GPATCH2: variants seen among roughly 807,000 people sequenced by gnomAD.
The protein encoded by GPATCH2 is G-patch domain containing 2, also known as G patch domain-containing protein 2.
GPATCH2 carries 51 observed loss-of-function variants against 58.0 expected under a neutral mutation model. That is an observed-to-expected ratio of 0.88 (90% CI 0.70 to 1.11). The LOEUF is 1.11. Among genes scored for constraint, GPATCH2 ranks in the 50% most tolerant of loss-of-function variants. The pLI is 0.00. For synonymous variants in GPATCH2, 222 were observed against 218.5 expected (o/e 1.02, Z -0.14); for missense variants, 625 against 652.2 (o/e 0.96, Z 0.45).
rs1382937281 is a variant in GPATCH2 at position 217,514,835 on chromosome 1, A to C, written c.1153T>G (p.Ser385Ala). ...CTGAGTACTCACTCATGGTGATGAG[A>C]ATCCGGGGAAAAATGAACCATTCTC... is the stretch of plus-strand genomic sequence containing the variant. ...NKRMVHFSPD[S>A]HHHDHWFSPG... The change falls in exon 6 of 10, where the codon TCT (serine) becomes GCT (alanine). Residue 385 changes from serine (S) to alanine (A), a missense_variant. By Grantham distance (99) the Ser-to-Ala change is moderately conservative (BLOSUM62 1). Coordinates refer to ENST00000366935, the MANE Select transcript of GPATCH2 (RefSeq NM_018040.5). 1.3e-6 allele frequency: 2 copies of C among 1,497,534 alleles called. No homozygotes were observed. Among genetic ancestry groups the C allele is most frequent in the Non-Finnish European group, 1.9e-6 (2 of 1,073,902 alleles). 92.8% of individuals were successfully genotyped at this position (1,497,534 alleles called of 1,614,324 possible). A position where few individuals can be genotyped will look rare whatever the true frequency, so the allele number is the denominator to read the frequency against.
At chr1:217,534,882 T>C (rs17046543) in intron 5 of GPATCH2, among the ~76,000 whole-genome samples, 4,608 of 152,290 alleles carry the variant, frequency 0.03, 108 homozygotes, top group East Asian at 0.077. Flanking sequence ...TTAGTTTGTG[T>C]TTTTAAGTCA....
chr1:217,540,720 A>G (rs936672535), intron 5 of GPATCH2, among the ~76,000 whole-genome samples: 2 of 152,198 alleles, frequency 1.3e-5, no homozygotes, highest in African/African-American at 4.8e-5. Context: ...ATAAACATGA[A>G]AAAAACATCC....
chr1:217,531,912 A>G (rs1277224830), intron 5 of GPATCH2, among the ~76,000 whole-genome samples: 1 of 152,232 alleles, frequency 6.6e-6, no homozygotes, highest in Admixed American at 6.5e-5. Context: ...ATGCATCAAT[A>G]TAATTAAGAA....
chr1:217,516,189 C>A (rs768510907), intron 5 of GPATCH2, among the ~76,000 whole-genome samples: 1 of 149,658 alleles, frequency 6.7e-6, no homozygotes, highest in African/African-American at 2.5e-5. Flanking sequence ...ACAAGGCATA[C>A]ATTTACAGCA....
intron 5 of GPATCH2, among the ~76,000 whole-genome samples, chr1:217,588,060 T>C (rs1667420586): frequency 6.6e-6 from 1 of 152,104 alleles, no homozygotes; most frequent in Non-Finnish European, 1.5e-5. Flanking sequence ...ATAATGGTAT[T>C]AGTGTATATG....
intron 9 of GPATCH2, among the ~76,000 whole-genome samples, chr1:217,447,373 T>C (rs1659438127): frequency 6.6e-6 from 1 of 152,188 alleles, no homozygotes; most frequent in African/African-American, 2.4e-5. Context: ...TGTAAGTACA[T>C]TGCTATGGAA....
At chr1:217,541,167 C>T (rs550826394) in intron 5 of GPATCH2, among the ~76,000 whole-genome samples, 1 of 152,280 alleles carries the variant, frequency 6.6e-6, no homozygotes, top group East Asian at 1.9e-4. Flanking sequence ...GAGTACTACA[C>T]TGATACAGCT....
chr1:217,565,521 T>C (rs1276597493), intron 5 of GPATCH2, among the ~76,000 whole-genome samples: 1 of 152,224 alleles, frequency 6.6e-6, no homozygotes, highest in Non-Finnish European at 1.5e-5. Flanking sequence ...TATTATTTTA[T>C]ACTCTTAAAA....
chr1:217,580,272 G>A (rs1407388850), intron 5 of GPATCH2, among the ~76,000 whole-genome samples: 1 of 152,062 alleles, frequency 6.6e-6, no homozygotes, highest in Non-Finnish European at 1.5e-5. Context: ...CTCACTCCCC[G>A]ACCTTCCATG....
chr1:217,444,671 A>C (rs1332229899), intron 9 of GPATCH2, among the ~76,000 whole-genome samples: 1 of 152,204 alleles, frequency 6.6e-6, no homozygotes, highest in South Asian at 2.1e-4. Context: ...GAAGAATTGC[A>C]TATATCCTAG....
At chr1:217,628,219 A>G (rs1242851735) in intron 1 of GPATCH2, among the ~76,000 whole-genome samples, 3 of 152,092 alleles carry the variant, frequency 2.0e-5, no homozygotes, top group African/African-American at 7.2e-5. Flanking sequence ...CTGAACAAAA[A>G]ACAAAAGAAA....
Position 217,548,987 on chromosome 1 carries a change from T to C in GPATCH2, c.1099-34098A>G, listed in dbSNP as rs144114840. On this transcript the variant is annotated intron_variant, in intron 5 of 9. Coordinates refer to ENST00000366935, the MANE Select transcript of GPATCH2 (RefSeq NM_018040.5). The stretch of plus-strand genomic sequence containing the variant: ...AGATATCACAGTTTGATGGTGGTGC[T>C]CTATTCTCTTTAAAAATAAAAATCA... Among the ~76,000 whole-genome samples, 650 of 152,308 alleles carry C rather than the reference T, an allele frequency of 4.3e-3. 10 individuals are homozygous for C. The highest frequency in any genetic ancestry group is 0.015 in the African/African-American group (608 of 41,570).
chr1:217,511,930 G>C (rs1662874970), intron 6 of GPATCH2, among the ~76,000 whole-genome samples: 1 of 152,088 alleles, frequency 6.6e-6, no homozygotes, highest in Non-Finnish European at 1.5e-5. Flanking sequence ...TCCTTGTCAA[G>C]AGTGGGGTCT....
chr1:217,474,548 C>T (rs189485570), intron 8 of GPATCH2, among the ~76,000 whole-genome samples: 154 of 152,288 alleles, frequency 1.0e-3, no homozygotes, highest in African/African-American at 3.5e-3. Context: ...TACAGAGGTC[C>T]TGAAAACTCC....
intron 5 of GPATCH2, among the ~76,000 whole-genome samples, chr1:217,587,060 G>A (rs1030938717): frequency 6.6e-6 from 1 of 152,098 alleles, no homozygotes; most frequent in Non-Finnish European, 1.5e-5. Flanking sequence ...TGGTGCAGGG[G>A]GGAAGTTCTG....
At chr1:217,571,129 G>C (rs772501699) in intron 5 of GPATCH2, among the ~76,000 whole-genome samples, 37 of 152,248 alleles carry the variant, frequency 2.4e-4, no homozygotes, top group South Asian at 1.7e-3. Context: ...GACCGTGTTA[G>C]GTGACAAAAT....
chr1:217,534,347 C>T (rs747071446), intron 5 of GPATCH2, among the ~76,000 whole-genome samples: 4 of 152,172 alleles, frequency 2.6e-5, no homozygotes, highest in Non-Finnish European at 5.9e-5. Flanking sequence ...TGAAAACATA[C>T]TAGCAAACAT....
At chr1:217,477,115 C>G (rs528264287) in intron 8 of GPATCH2, among the ~76,000 whole-genome samples, 1 of 152,234 alleles carries the variant, frequency 6.6e-6, no homozygotes, top group South Asian at 2.1e-4. Flanking sequence ...GATGACATTT[C>G]TAGATACATC....
At chr1:217,434,209 A>G (rs1203804053) in intron 9 of GPATCH2, among the ~76,000 whole-genome samples, 1 of 152,234 alleles carries the variant, frequency 6.6e-6, no homozygotes, top group African/African-American at 2.4e-5. Flanking sequence ...CTTGACTAAA[A>G]TTATTGACCA....
Sources: gnomAD v4.1 joint callset for allele counts (sites outside exome capture counted in the v4.1 genomes callset) on GRCh38, gnomAD v4.1.1 for gene constraint, MANE v1.5 for transcripts, NCBI Gene and HGNC (gene_info 2026-07-23, HGNC 2026-07-21) for gene names.